HMGXB4: variants seen among roughly 807,000 people sequenced by gnomAD.
HMGXB4 encodes the protein HMG-box containing 4, also known as HMG domain-containing protein 4.
In HMGXB4, 27 loss-of-function variants were observed where a neutral mutation model predicts 63.9. The ratio of observed to expected loss-of-function variants is 0.42; its 90% CI spans 0.31 to 0.58. The LOEUF is 0.58. HMGXB4 is among the 20% of genes least tolerant of loss of function. The pLI is 0.13. For missense variants in HMGXB4, 624 were observed against 700.7 expected (o/e 0.89, Z 1.24); for synonymous variants, 264 against 265.3 (o/e 0.99, Z 0.05).
At chr22:35,253,600 T>TGCGCGC (rs55731093), upstream of HMGXB4, among the ~76,000 whole-genome samples, 23 of 151,152 alleles carry the variant, frequency 1.5e-4, no homozygotes, top group East Asian at 2.2e-3. Context: ...TTGGATTTTG[T>TGCGCGC]GCGCGCGCGC....
At chr22:35,265,778 A>C (rs1056290586) in intron 5 of HMGXB4, among the ~76,000 whole-genome samples, 175 bp downstream of exon 5, 2 of 151,468 alleles carry the variant, frequency 1.3e-5, no homozygotes, top group Admixed American at 6.6e-5. Flanking sequence ...TCTGTCTGAT[A>C]TAGAAGCAAT....
chr22:35,256,711 G>T (rs1601619009), upstream of HMGXB4, among the ~76,000 whole-genome samples: 1 of 152,188 alleles, frequency 6.6e-6, no homozygotes, highest in South Asian at 2.1e-4. Flanking sequence ...ACATTGGTCA[G>T]GCTGGTCTCG....
At position 35,262,406 on chromosome 22, in the gene HMGXB4, T is replaced by C; in HGVS notation, c.16T>C (p.Ser6Pro). The change falls in exon 2 of 11, where the codon TCC becomes CCC. Residue 6 changes from serine (S) to proline (P), a missense_variant. Coordinates refer to ENST00000216106, the MANE Select transcript of HMGXB4 (RefSeq NM_001003681.3). The part of the protein sequence containing the change: MAYDD[S>P]VKKEDCFDGD... ...CAGGACCACCATGGCTTATGATGAC[T>C]CCGTGAAGAAAGAAGGTATGACCCC... The C allele has an allele frequency of 6.2e-7, 1 of 1,614,026 alleles. No individual in the cohort carries two copies.
At chr22:35,289,540 C>T (rs553618968) in intron 9 of HMGXB4, among the ~76,000 whole-genome samples, 1 of 152,320 alleles carries the variant, frequency 6.6e-6, no homozygotes, top group African/African-American at 2.4e-5. Context: ...CTGTCTCCTT[C>T]TAAGAGACTT....
Position 35,263,060 on chromosome 22 carries a change from TAAAC to T in HMGXB4, c.32-17_32-14del. ...TGACTTTCTCATTTCCTTTCCCAAATAAACCTGTGCTTCTCAGATTGTTTTGATG... is the reference window on the plus strand; with the variant it reads ...TGACTTTCTCATTTCCTTTCCCAAATCTGTGCTTCTCAGATTGTTTTGATG... On this transcript the variant is annotated splice_polypyrimidine_tract_variant and intron_variant, in intron 2 of 10. Transcript: ENST00000216106. 1 of 1,611,810 alleles carries T rather than the reference TAAAC, an allele frequency of 6.2e-7. No homozygotes were observed. The highest frequency in any genetic ancestry group is 1.1e-5 in the South Asian group (1 of 90,600).
At chr22:35,253,144 A>AAAAAAAAAAAAAAAAAAAAAAG (rs11282400), upstream of HMGXB4, among the ~76,000 whole-genome samples, 24 of 125,344 alleles carry the variant, frequency 1.9e-4, no homozygotes, top group African/African-American at 3.7e-4. Context: ...AAAAAAAAAA[A>AAAAAAAAAAAAAAAAAAAAAAG]AAAAAAGAAA....
chr22:35,293,640 C>A lies in HMGXB4; in HGVS notation c.1795C>A (p.Pro599Thr). ...ATTAGACAACATTGCTTACATCATG[C>A]CGGGACTGTGACAGCAAAGAATCCT... ...NTLDNIAYIM[P>T]GL is the part of the protein sequence containing the mutation. The change falls in exon 11 of 11, where the codon CCG becomes ACG. Residue 599 changes from proline to threonine, a missense_variant. Transcript: ENST00000216106. 6.2e-7 allele frequency: 1 copy of A among 1,611,168 alleles called. No homozygotes were observed. The highest frequency in any genetic ancestry group is 8.5e-7 in the Non-Finnish European group (1 of 1,177,320).
Position 35,263,881 on chromosome 22 carries a change from A to T in HMGXB4, c.259+7A>T. 6.2e-7 allele frequency: 1 copy of T among 1,612,002 alleles called. No homozygotes were observed. Among genetic ancestry groups the T allele is most frequent in the Non-Finnish European group, 8.5e-7 (1 of 1,178,058 alleles). ...GATGATTACTACTATGGAGGTGAGG[A>T]TGGGAATGGGCAACAGGTGGGATAA... On this transcript the variant is annotated splice_region_variant and intron_variant, in intron 4 of 10. Coordinates refer to ENST00000216106, the MANE Select transcript of HMGXB4 (RefSeq NM_001003681.3).
At chr22:35,256,312 C>CA (rs1255320412), upstream of HMGXB4, among the ~76,000 whole-genome samples, 13 of 152,256 alleles carry the variant, frequency 8.5e-5, no homozygotes, top group African/African-American at 3.1e-4. Flanking sequence ...TAGGAAAACA[C>CA]ACACTGCACA....
At chr22:35,284,801 A>G (rs995255916) in intron 6 of HMGXB4, among the ~76,000 whole-genome samples, 51 of 152,346 alleles carry the variant, frequency 3.3e-4, no homozygotes, top group African/African-American at 1.2e-3. Context: ...GAAAAACACT[A>G]TACCAGAGAT....
rs1925185136 is a variant in HMGXB4 at position 35,295,094 on chromosome 22, A to G, written c.*1443A>G. 2.0e-5 allele frequency: 3 copies of G among 148,756 alleles called. No homozygotes were observed. In the South Asian group the frequency reaches 6.6e-4, roughly 33 times the overall value. 9.2% of individuals were successfully genotyped at this position (148,756 alleles called of 1,614,324 possible). Reference sequence around the variant, plus strand: ...GGATGGTTTTTAAATTTGGTATGAGATTCTCTGCCAACACCAAGCTCTGAG... The same window carrying G: ...GGATGGTTTTTAAATTTGGTATGAGGTTCTCTGCCAACACCAAGCTCTGAG... On this transcript the variant is annotated 3_prime_UTR_variant, in exon 11 of 11. Coordinates refer to ENST00000216106, the MANE Select transcript of HMGXB4 (RefSeq NM_001003681.3).
At chr22:35,277,270 A>T (rs1367068639) in intron 5 of HMGXB4, among the ~76,000 whole-genome samples, 1 of 152,206 alleles carries the variant, frequency 6.6e-6, no homozygotes, top group Admixed American at 6.5e-5. Flanking sequence ...CCAGCCAGAG[A>T]CTGTCATGCC....
At chr22:35,291,491 A>C (rs1408658145) in intron 9 of HMGXB4, among the ~76,000 whole-genome samples, 3 of 152,190 alleles carry the variant, frequency 2.0e-5, no homozygotes, top group Non-Finnish European at 2.9e-5. Context: ...TTGGAAGTGA[A>C]AAGAGACCAG....
intron 5 of HMGXB4, among the ~76,000 whole-genome samples, chr22:35,277,700 A>AT (rs1044593042): frequency 3.9e-5 from 6 of 152,120 alleles, no homozygotes; most frequent in Non-Finnish European, 8.8e-5. Context: ...TTAAGATTTT[A>AT]TTTTTTTGCA....
rs974844299 is a variant in HMGXB4 at position 35,266,579 on chromosome 22, G to A, written c.1215+976G>A. Among the ~76,000 whole-genome samples, 23 of 152,158 alleles carry A rather than the reference G, an allele frequency of 1.5e-4. 1 individual carries two copies. Among genetic ancestry groups the A allele is most frequent in the Admixed American group, 1.2e-3 (19 of 15,282 alleles). On this transcript the variant is annotated intron_variant, in intron 5 of 10. Transcript: ENST00000216106. ...ACAGTTTCTGGCAGTGAACTTTAGG[G>A]TCTCATAACTATGTCATTAAAAGTT...
At chr22:35,257,161 G>T (rs988784660), upstream of HMGXB4, among the ~76,000 whole-genome samples, 2 of 152,216 alleles carry the variant, frequency 1.3e-5, no homozygotes, top group Non-Finnish European at 2.9e-5. Flanking sequence ...GGAAAGCACT[G>T]CATTCAGAAT....
chr22:35,253,781 G>A (rs573533855), upstream of HMGXB4, among the ~76,000 whole-genome samples: 15 of 152,156 alleles, frequency 9.9e-5, 1 homozygote, highest in Admixed American at 3.3e-4. Flanking sequence ...TTGAATCCCC[G>A]GACCCAGCTG....
intron 1 of HMGXB4, among the ~76,000 whole-genome samples, chr22:35,260,945 A>G (rs548588272): frequency 2.0e-5 from 3 of 152,354 alleles, no homozygotes; most frequent in Middle Eastern, 3.4e-3. Context: ...GGAATTAGTA[A>G]TGTGTCATTT....
At chr22:35,269,056 G>C (rs368207579) in intron 5 of HMGXB4, among the ~76,000 whole-genome samples, 1 of 152,090 alleles carries the variant, frequency 6.6e-6, no homozygotes. Context: ...CCTTATTAAA[G>C]ACTATAAGGG....
Sources: gnomAD v4.1 joint callset for allele counts (sites outside exome capture counted in the v4.1 genomes callset) on GRCh38, gnomAD v4.1.1 for gene constraint, MANE v1.5 for transcripts, NCBI Gene and HGNC (gene_info 2026-07-23, HGNC 2026-07-21) for gene names.